NDST4: variants seen among roughly 807,000 people sequenced by gnomAD.
NDST4 encodes the protein N-heparan sulfate sulfotransferase 4.
Under a neutral mutation model 100.8 loss-of-function variants are expected in NDST4, and 63 were observed. That is an observed-to-expected ratio of 0.62 (90% CI 0.51 to 0.77). The LOEUF is 0.77. Among genes scored for constraint, NDST4 ranks in the 30% least tolerant of loss-of-function variants. The pLI, the probability that NDST4 is intolerant of heterozygous loss-of-function variation, is 0.00. For synonymous variants in NDST4, 377 were observed against 361.8 expected, an observed-to-expected ratio of 1.04 and a Z score of -0.48; for missense variants, 943 against 1,018.4, an observed-to-expected ratio of 0.93 and a Z score of 1.01.
intron 9 of NDST4, 122 bp from the exon 10 acceptor site, chr4:114,846,119 T>A: frequency 1.3e-6 from 1 of 788,502 alleles, no homozygotes; most frequent in South Asian, 2.0e-5. Context: ...TATGCTGTTA[T>A]AGTTTAAATA....
At chr4:114,920,548 A>T (rs374111855) in intron 6 of NDST4, among the ~76,000 whole-genome samples, 1 of 152,222 alleles carries the variant, frequency 6.6e-6, no homozygotes, top group Admixed American at 6.5e-5. Context: ...AAATTGTGTT[A>T]GAAGTGGCAA....
intron 4 of NDST4, among the ~76,000 whole-genome samples, chr4:114,939,050 A>G (rs1327763150): frequency 6.6e-6 from 1 of 152,214 alleles, no homozygotes; most frequent in East Asian, 1.9e-4. Flanking sequence ...GGAAACTACC[A>G]GAGAGGACAG....
intron 2 of NDST4, among the ~76,000 whole-genome samples, chr4:115,051,014 A>T (rs1272458920): frequency 6.6e-6 from 1 of 152,116 alleles, no homozygotes; most frequent in African/African-American, 2.4e-5. Flanking sequence ...TTTTAGTCAC[A>T]TTGTAAGAGT....
intron 4 of NDST4, among the ~76,000 whole-genome samples, chr4:114,939,807 C>T (rs1725709783): frequency 1.3e-5 from 2 of 152,106 alleles, no homozygotes; most frequent in South Asian, 4.1e-4. Flanking sequence ...CATCTTATCA[C>T]ACTGGCAACT....
At chr4:114,939,491 C>T (rs1178692380) in intron 4 of NDST4, among the ~76,000 whole-genome samples, 1 of 152,082 alleles carries the variant, frequency 6.6e-6, no homozygotes, top group Admixed American at 6.5e-5. Context: ...AGTCCTCATT[C>T]TCTATAACTG....
At chr4:115,012,907 G>C (rs767040423) in intron 2 of NDST4, among the ~76,000 whole-genome samples, 3 of 151,872 alleles carry the variant, frequency 2.0e-5, no homozygotes, top group Non-Finnish European at 2.9e-5. Flanking sequence ...TGCAACAAAA[G>C]GGATGAAACT....
chr4:114,911,396 C>T (rs7689395), intron 6 of NDST4, among the ~76,000 whole-genome samples: 31,101 of 152,078 alleles, frequency 0.2, 5,465 homozygotes, highest in African/African-American at 0.48. Context: ...TAGCTGTCTG[C>T]CAAACATTAC....
At chr4:114,873,341 C>T (rs1455747679) in intron 6 of NDST4, among the ~76,000 whole-genome samples, 2 of 151,462 alleles carry the variant, frequency 1.3e-5, no homozygotes, top group Non-Finnish European at 3.0e-5. Context: ...AAAGTTAAAC[C>T]TCTAAATATT....
intron 10 of NDST4, among the ~76,000 whole-genome samples, chr4:114,840,648 G>A (rs535873359): frequency 4.6e-5 from 7 of 152,264 alleles, no homozygotes; most frequent in East Asian, 3.9e-4. Flanking sequence ...AGAGGACTTC[G>A]TCATCTAAGG....
chr4:114,935,759 GT>G (rs1239778902), intron 5 of NDST4, among the ~76,000 whole-genome samples: 1 of 152,004 alleles, frequency 6.6e-6, no homozygotes, highest in African/African-American at 2.4e-5. Flanking sequence ...ACCACAATTG[GT>G]TTTCATAACC....
At chr4:114,863,973 GA>G (rs1723971959) in intron 7 of NDST4, among the ~76,000 whole-genome samples, 1 of 152,160 alleles carries the variant, frequency 6.6e-6, no homozygotes, top group African/African-American at 2.4e-5. Context: ...TAGATTGAAA[GA>G]ATATCATACC....
chr4:114,921,210 GA>G (rs923947180), intron 6 of NDST4, among the ~76,000 whole-genome samples: 1 of 151,720 alleles, frequency 6.6e-6, no homozygotes, highest in Non-Finnish European at 1.5e-5. Context: ...CAAAATCAAA[GA>G]AAAAAAATTG....
Position 115,076,491 on chromosome 4 carries a change from T to A in NDST4, c.546A>T (p.Leu182Phe), listed in dbSNP as rs774187849. 1 of 1,614,004 alleles carries A rather than the reference T, an allele frequency of 6.2e-7. No homozygotes were observed. The highest frequency in any genetic ancestry group is 1.3e-5 in the African/African-American group (1 of 75,058). The part of the protein sequence containing the change: ...LPSTQLKGFP[L>F]NLFNNLALKD... ...TTAGAGCTAGATTATTGAAAAGGTTTAACGGAAAGCCTTTTAATTGTGTAC... is the reference window on the plus strand; with the variant it reads ...TTAGAGCTAGATTATTGAAAAGGTTAAACGGAAAGCCTTTTAATTGTGTAC... The change falls in exon 2 of 14, where the codon TTA (leucine) becomes TTT (phenylalanine). Residue 182 changes from leucine to phenylalanine, a missense_variant. By Grantham distance (22) the Leu-to-Phe change is conservative. This residue lies in a region of NDST4 where 417 missense variants were observed against 384.2 expected (regional missense o/e 1.09). Transcript: ENST00000264363.
At chr4:114,851,685 T>C (rs572573575) in intron 8 of NDST4, among the ~76,000 whole-genome samples, 3 of 152,188 alleles carry the variant, frequency 2.0e-5, no homozygotes, top group South Asian at 4.2e-4. Context: ...TGTAAGGGAG[T>C]TGGTAGAAAA....
chr4:114,912,510 T>G (rs1360010895), intron 6 of NDST4, among the ~76,000 whole-genome samples: 1 of 152,184 alleles, frequency 6.6e-6, no homozygotes, highest in Non-Finnish European at 1.5e-5. Flanking sequence ...CTTGTCATGT[T>G]GGCAGTTAAA....
chr4:114,989,396 C>A (rs1259407833), intron 2 of NDST4, among the ~76,000 whole-genome samples: 2 of 152,178 alleles, frequency 1.3e-5, no homozygotes, highest in Non-Finnish European at 2.9e-5. Flanking sequence ...TGTTGCCATG[C>A]TTACCTATTC....
chr4:114,904,020 AG>A (rs1291637211), intron 6 of NDST4, among the ~76,000 whole-genome samples: 2 of 152,052 alleles, frequency 1.3e-5, no homozygotes, highest in Admixed American at 6.6e-5. Context: ...TAAAAATGTT[AG>A]CCCTGATGTC....
chr4:115,021,532 C>T lies in NDST4; in HGVS notation c.979-44258G>A, dbSNP rs542126178. Among the ~76,000 whole-genome samples, 973 of 105,212 alleles carry T rather than the reference C, an allele frequency of 9.2e-3. 102 individuals are homozygous for T. Among genetic ancestry groups the T allele is most frequent in the Non-Finnish European group, 0.014 (719 of 50,988 alleles). 69.0% of individuals were successfully genotyped at this position (105,212 alleles called of 152,430 possible). On this transcript the variant is annotated intron_variant, in intron 2 of 13. Coordinates refer to ENST00000264363, the MANE Select transcript of NDST4 (RefSeq NM_022569.3). ...CATATACACATTCCATATATACACA[C>T]GTTCCACATATACACATTCCATATA...
chr4:114,883,002 A>T (rs1033296035), intron 6 of NDST4, among the ~76,000 whole-genome samples: 3 of 152,084 alleles, frequency 2.0e-5, no homozygotes, highest in African/African-American at 7.2e-5. Context: ...CAACAAAGTT[A>T]TCATTCAAAA....
Sources: allele counts gnomAD v4.1 joint callset (sites outside exome capture counted in the v4.1 genomes callset), GRCh38; gene constraint gnomAD v4.1.1; regional missense constraint gnomAD v4.1.1; transcripts MANE v1.5; gene names NCBI Gene and HGNC (gene_info 2026-07-23, HGNC 2026-07-21).